PMCH: variants seen among roughly 807,000 people sequenced by gnomAD.
The protein encoded by PMCH is pro-melanin concentrating hormone.
A neutral mutation model predicts 15.9 loss-of-function variants in PMCH; 8 were observed. That is an observed-to-expected ratio of 0.50 (90% CI 0.29 to 0.91). The LOEUF (loss-of-function observed/expected upper bound fraction) is 0.91, where lower values mean the gene tolerates loss of function less well. Ranked by LOEUF, PMCH falls within the 40% of genes least tolerant of loss-of-function variation. PMCH has a pLI of 0.07. For synonymous variants in PMCH, 73 were observed against 63.8 expected, an observed-to-expected ratio of 1.14 and a Z score of -0.69; for missense variants, 169 against 185.7, an observed-to-expected ratio of 0.91 and a Z score of 0.52.
Position 102,196,578 on chromosome 12 carries a change from G to T in PMCH, c.*74C>A, listed in dbSNP as rs1555224453. The T allele has an allele frequency of 1.9e-6, 2 of 1,032,880 alleles. No homozygotes were observed. Among genetic ancestry groups the T allele is most frequent in the Admixed American group, 1.7e-5 (1 of 58,750 alleles). 64.0% of individuals were successfully genotyped at this position (1,032,880 alleles called of 1,614,324 possible). ...TTAACATACACAAGTTATAGTAGCAGTATGGGCTTCTCCTCCCATTGGCAA... is the reference window on the plus strand; with the variant it reads ...TTAACATACACAAGTTATAGTAGCATTATGGGCTTCTCCTCCCATTGGCAA... On this transcript the variant is annotated 3_prime_UTR_variant, in exon 3 of 3. Coordinates refer to ENST00000329406, the MANE Select transcript of PMCH (RefSeq NM_002674.4).
Position 102,197,637 on chromosome 12 carries a change from C to T in PMCH, c.134G>A (p.Gly45Glu), listed in dbSNP as rs775113658. Residue 45 changes from glycine to glutamate, a missense_variant, in exon 1 of 3, where the codon GGG becomes GAG. Physicochemically the swap from Gly to Glu is moderately conservative, Grantham distance 98. Transcript: ENST00000329406. ...AGTGTCTTCCTTCTGAAAGCCTTTC[C>T]CCAACCTGAATGTATTAAATACCAT... ...DDMVFNTFRL[G>E]KGFQKEDTAE... The T allele has an allele frequency of 1.7e-5, 28 of 1,612,072 alleles. No individual in the cohort carries two copies. The highest frequency in any genetic ancestry group is 2.2e-5 in the Non-Finnish European group (26 of 1,178,776).
At chr12:102,196,941 T>C in intron 2 of PMCH, 32 bp downstream of exon 2, 3 of 1,517,804 alleles carry the variant, frequency 2.0e-6, no homozygotes, top group Non-Finnish European at 2.7e-6. Flanking sequence ...GGTGGTAGGA[T>C]GTAAGAATTG....
At chr12:102,196,859 A>C in intron 2 of PMCH, 114 bp downstream of exon 2, 1 of 1,090,752 alleles carries the variant, frequency 9.2e-7, no homozygotes, top group South Asian at 1.4e-5. Flanking sequence ...GGCAGGTGTA[A>C]TTGAGCCATG....
intron 2 of PMCH, 123 bp downstream of exon 2, chr12:102,196,850 G>T: frequency 1.9e-6 from 2 of 1,055,618 alleles, no homozygotes; most frequent in Non-Finnish European, 1.4e-6. Flanking sequence ...CACATTTTTG[G>T]CAGGTGTAAT....
At chr12:102,197,472 A>T (rs373008967) in intron 1 of PMCH, 50 bp downstream of exon 1, 36 of 1,502,606 alleles carry the variant, frequency 2.4e-5, no homozygotes, top group Non-Finnish European at 3.2e-5. Context: ...GATTTGTAAG[A>T]ATCATTTAAA....
chr12:102,197,320 A>G, intron 1 of PMCH, 149 bp from the exon 2 acceptor site: 1 of 836,112 alleles, frequency 1.2e-6, no homozygotes. Flanking sequence ...TTTATAGGAG[A>G]AAAAACACTT....
Position 102,196,995 on chromosome 12 carries a change from A to G in PMCH, c.426T>C (p.Pro142=), listed in dbSNP as rs1427255818. 6.2e-7 allele frequency: 1 copy of G among 1,611,532 alleles called. No homozygotes were observed. The highest frequency in any genetic ancestry group is 1.3e-5 in the African/African-American group (1 of 74,928). ...CACTGTCAAAATCTCTCCTTCCTAT[A>G]GGAAATTTAGCTGAGTTTTCTTCAT... is the stretch of plus-strand genomic sequence containing the variant. ...IGDEENSAKF[P]IGRRDFDMLR... Residue 142 remains proline, a synonymous_variant, in exon 2 of 3, where the codon CCT becomes CCC. Coordinates refer to ENST00000329406, the MANE Select transcript of PMCH (RefSeq NM_002674.4).
In PMCH at chr12:102,197,683, T is replaced by G; in HGVS notation, c.88A>C (p.Ile30Leu). The stretch of plus-strand genomic sequence containing the variant: ...ACCATGTCATCATCTAAATTTCTTA[T>G]GGACTTGGATGCTGAAAGTAAAATA... ...QGILLSASKS[I>L]RNLDDDMVFN... The change falls in exon 1 of 3, where the codon ATA (isoleucine) becomes CTA (leucine). Residue 30 changes from isoleucine to leucine, a missense_variant. Coordinates refer to ENST00000329406, the MANE Select transcript of PMCH (RefSeq NM_002674.4). 6.2e-7 allele frequency: 1 copy of G among 1,610,980 alleles called. No homozygotes were observed. The highest frequency in any genetic ancestry group is 2.2e-5 in the East Asian group (1 of 44,758).
chr12:102,197,440 G>A, intron 1 of PMCH, 82 bp downstream of exon 1: 1 of 1,260,574 alleles, frequency 7.9e-7, no homozygotes, highest in Non-Finnish European at 1.1e-6. Context: ...GTTTATAAAA[G>A]TATCAGTTTT....
At chr12:102,196,785 A>G (rs753141212) in intron 2 of PMCH, 84 bp from the exon 3 acceptor site, 4 of 1,187,776 alleles carry the variant, frequency 3.4e-6, no homozygotes, top group Admixed American at 3.6e-5. Context: ...TGGATCTAGT[A>G]TAACTAATTC....
At chr12:102,196,750 A>C in intron 2 of PMCH, 49 bp from the exon 3 acceptor site, 1 of 1,400,698 alleles carries the variant, frequency 7.1e-7, no homozygotes, top group Admixed American at 1.7e-5. Flanking sequence ...TAATTATCAC[A>C]CAAAATTTAT....
At position 102,197,686 on chromosome 12, in the gene PMCH, A is replaced by G. The variant is rs903704644; in HGVS notation, c.85T>C (p.Ser29Pro). The G allele has an allele frequency of 5.6e-6, 9 of 1,610,942 alleles. No individual in the cohort carries two copies. Among genetic ancestry groups the G allele is most frequent in the African/African-American group, 1.3e-5 (1 of 74,776 alleles). ...SQGILLSASK[S>P]IRNLDDDMVF... ...ATGTCATCATCTAAATTTCTTATGGACTTGGATGCTGAAAGTAAAATACCT... is the reference window on the plus strand; with the variant it reads ...ATGTCATCATCTAAATTTCTTATGGGCTTGGATGCTGAAAGTAAAATACCT... Residue 29 changes from serine to proline, a missense_variant, in exon 1 of 3, where the codon TCC becomes CCC. Ser to Pro is a moderately conservative substitution (Grantham distance 74). Coordinates refer to ENST00000329406, the MANE Select transcript of PMCH (RefSeq NM_002674.4).
rs766421915 is a variant in PMCH at position 102,197,800 on chromosome 12, C to T, written c.-30G>A. Reference sequence around the variant, plus strand: ...AGTTTGATGTTTGCATACAGTCAAACAAGAAAGAAAATGAAAAATTTCTCT... The same window carrying T: ...AGTTTGATGTTTGCATACAGTCAAATAAGAAAGAAAATGAAAAATTTCTCT... On this transcript the variant is annotated 5_prime_UTR_variant, in exon 1 of 3. Transcript: ENST00000329406. 7.9e-5 allele frequency: 118 copies of T among 1,498,382 alleles called. No homozygotes were observed. In the East Asian group the frequency reaches 2.7e-3, roughly 34 times the overall value. The allele number at this position is 1,498,382 out of a possible 1,614,324, so 92.8% of individuals were successfully genotyped here.
chr12:102,197,258 TCAAAGTTACTCTG>T, intron 1 of PMCH, 87 bp from the exon 2 acceptor site: 1 of 1,097,022 alleles, frequency 9.1e-7, no homozygotes, highest in Non-Finnish European at 1.3e-6. Context: ...GTTGATCAAT[TCAAAGTTACTCTG>T]CACTGTTTTT....
Position 102,196,479 on chromosome 12 carries a change from G to T in PMCH, c.*173C>A. The stretch of plus-strand genomic sequence containing the variant: ...CATAATTATGCAGAATTTTCACAAA[G>T]TTTAATGCACAGAGAAAGCATATCA... On this transcript the variant is annotated 3_prime_UTR_variant, in exon 3 of 3. Transcript: ENST00000329406. 1 of 732,436 alleles carries T rather than the reference G, an allele frequency of 1.4e-6. No individual in the cohort carries two copies. Among genetic ancestry groups the T allele is most frequent in the African/African-American group, 1.8e-5 (1 of 56,706 alleles). The allele number at this position is 732,436 out of a possible 1,614,324, so 45.4% of individuals were successfully genotyped here.
At position 102,197,667 on chromosome 12, in the gene PMCH, T is replaced by A; in HGVS notation, c.104A>T (p.Asp35Val). 1 of 1,611,934 alleles carries A rather than the reference T, an allele frequency of 6.2e-7. No homozygotes were observed. The highest frequency in any genetic ancestry group is 8.5e-7 in the Non-Finnish European group (1 of 1,178,550). ...CCTGAATGTATTAAATACCATGTCATCATCTAAATTTCTTATGGACTTGGA... is the reference window on the plus strand; with the variant it reads ...CCTGAATGTATTAAATACCATGTCAACATCTAAATTTCTTATGGACTTGGA... The part of the protein sequence containing the change: ...SASKSIRNLD[D>V]DMVFNTFRLG... The change falls in exon 1 of 3, where the codon GAT (aspartate) becomes GTT (valine). Residue 35 changes from aspartate to valine, a missense_variant. Physicochemically the swap from Asp to Val is radical, Grantham distance 152 (BLOSUM62 -3). Coordinates refer to ENST00000329406, the MANE Select transcript of PMCH (RefSeq NM_002674.4).
At chr12:102,196,924 G>T (rs754850490) in intron 2 of PMCH, 49 bp downstream of exon 2, 8 of 1,461,172 alleles carry the variant, frequency 5.5e-6, no homozygotes, top group Middle Eastern at 1.8e-4. Flanking sequence ...TCAGAGTTCT[G>T]TTTAATGGTG....
chr12:102,197,507 C>A lies in PMCH; in HGVS notation c.249+15G>T. ...ATTTTCATTGAAATAAACGACAAGT[C>A]ACATTGCCACTTACCTTTGAAACTT... On this transcript the variant is annotated intron_variant, in intron 1 of 2. Transcript: ENST00000329406. 2 of 1,584,238 alleles carry A rather than the reference C, an allele frequency of 1.3e-6. No individual in the cohort carries two copies. The highest frequency in any genetic ancestry group is 1.2e-5 in the South Asian group (1 of 86,040).
In PMCH at chr12:102,196,749, C is replaced by T. The variant is rs199546666; in HGVS notation, c.449-48G>A. 2.9e-4 allele frequency: 404 copies of T among 1,406,814 alleles called. 1 individual carries two copies. Among genetic ancestry groups the T allele is most frequent in the Non-Finnish European group, 4.8e-5 (48 of 997,622 alleles). 87.1% of individuals were successfully genotyped at this position (1,406,814 alleles called of 1,614,324 possible). ...ATTGTTTAAAGGACTATAATTATCA[C>T]ACAAAATTTATTAAGAAAAAAAGAA... is the stretch of plus-strand genomic sequence containing the variant. On this transcript the variant is annotated intron_variant, in intron 2 of 2. Coordinates refer to ENST00000329406, the MANE Select transcript of PMCH (RefSeq NM_002674.4).
Sources: allele counts gnomAD v4.1 joint callset, GRCh38; gene constraint gnomAD v4.1.1; transcripts MANE v1.5; gene names NCBI Gene and HGNC (gene_info 2026-07-23, HGNC 2026-07-21).